The following TBC1D24 variants were observed in gnomAD, a reference collection of about 807,000 sequenced individuals.
TBC1D24 encodes TBC1 domain family member 24.
In TBC1D24, 47 loss-of-function variants were observed where a neutral mutation model predicts 50.7. That is an observed-to-expected ratio of 0.93 (90% CI 0.73 to 1.18). The LOEUF is 1.18. TBC1D24 is among the 50% of genes most tolerant of loss of function. TBC1D24 has a pLI of 0.00. For missense variants in TBC1D24, 688 were observed against 766.5 expected, an observed-to-expected ratio of 0.90 and a Z score of 1.21; for synonymous variants, 324 against 335.2, an observed-to-expected ratio of 0.97 and a Z score of 0.36.
In TBC1D24 at chr16:2,486,785, C is replaced by T; in HGVS notation, c.-115-9249C>T. Among the ~76,000 whole-genome samples the T allele has an allele frequency of 6.6e-6, 1 of 152,220 alleles. No individual in the cohort carries two copies. Among genetic ancestry groups the T allele is most frequent in the East Asian group, 1.9e-4 (1 of 5,202 alleles). On this transcript the variant is annotated intron_variant, in intron 1 of 7. Transcript: ENST00000646147. The surrounding 1 kb of genome is among the most constrained non-coding windows in gnomAD (Gnocchi z 5.8). ...TTTGAAAACTTCACAGTGGAGCTTC[C>T]CTGGGCTGGAATTCTCTGTTTGTCG...
rs1320033429 is a variant in TBC1D24 at position 2,482,796 on chromosome 16, A to T, written c.-116+7626A>T. ...GGAGAGGGTGGGCTCCATTGGAGAG[A>T]CAGGCACGGGCGGTGGAGGAGCAGC... On this transcript the variant is annotated intron_variant, in intron 1 of 7. Transcript: ENST00000646147. This position sits in a 1 kb window ranked among gnomAD's most constrained non-coding sequence, Gnocchi z 5.2. Among the ~76,000 whole-genome samples, 2 of 152,070 alleles carry T rather than the reference A, an allele frequency of 1.3e-5. No homozygotes were observed. The highest frequency in any genetic ancestry group is 4.8e-5 in the African/African-American group (2 of 41,406).
rs1259616852 is a variant in TBC1D24 at position 2,500,090 on chromosome 16, C to T, written c.1302+160C>T. Among the ~76,000 whole-genome samples, 2 of 152,148 alleles carry T rather than the reference C, an allele frequency of 1.3e-5. No individual in the cohort carries two copies. The highest frequency in any genetic ancestry group is 2.4e-5 in the African/African-American group (1 of 41,420). On this transcript the variant is annotated intron_variant, in intron 6 of 7. Transcript: ENST00000646147. This position sits in a 1 kb window ranked among gnomAD's most constrained non-coding sequence, Gnocchi z 8.0. ...TTCCGGGTTTGATCATTCAGCCGTG[C>T]GCTGCTCCGGGGCAGGGGGCTTCAT...
Position 2,475,519 on chromosome 16 carries a change from C to T in TBC1D24, c.-116+349C>T, listed in dbSNP as rs1596949655. ...GTTTCCTTGGGGCGCTTTCCGTCTCCGCAGGGTCGGAAATCCTCTTGGGGG... is the reference window on the plus strand; with the variant it reads ...GTTTCCTTGGGGCGCTTTCCGTCTCTGCAGGGTCGGAAATCCTCTTGGGGG... On this transcript the variant is annotated intron_variant, in intron 1 of 7. Transcript: ENST00000646147. This position sits in a 1 kb window ranked among gnomAD's most constrained non-coding sequence, Gnocchi z 4.2. 1.3e-5 allele frequency among the ~76,000 whole-genome samples: 2 copies of T among 151,990 alleles called. No individual in the cohort carries two copies. The highest frequency in any genetic ancestry group is 2.1e-4 in the South Asian group (1 of 4,816).
At position 2,499,075 on chromosome 16, in the gene TBC1D24, G is replaced by C. The variant is rs977721131; in HGVS notation, c.1143-282G>C. Among the ~76,000 whole-genome samples, 3 of 152,218 alleles carry C rather than the reference G, an allele frequency of 2.0e-5. No homozygotes were observed. Among genetic ancestry groups the C allele is most frequent in the Non-Finnish European group, 4.4e-5 (3 of 68,028 alleles). ...CCAAACCTCCCCACCGCAGGGACCT[G>C]TTCCTCTGGTTCCTGCTTCCCCAGC... On this transcript the variant is annotated intron_variant, in intron 4 of 7. Transcript: ENST00000646147. This position sits in a 1 kb window ranked among gnomAD's most constrained non-coding sequence, Gnocchi z 4.0.
intron 3 of TBC1D24, among the ~76,000 whole-genome samples, 154 bp from the exon 4 acceptor site, chr16:2,498,084 G>C (rs1378381166): frequency 2.6e-5 from 4 of 152,186 alleles, no homozygotes; most frequent in Non-Finnish European, 4.4e-5. Context: ...CTCCCCGTTG[G>C]GCACCTAGAA....
rs368735897 is a variant in TBC1D24 at position 2,500,468 on chromosome 16, G to A, written c.1503G>A (p.Gly501=). ...PSKTESMFMA[G]GSDCLIVGGG... is the part of the protein sequence containing the mutation. ...AGACCGAGTCCATGTTCATGGCGGGGGGCAGCGACTGCCTCATCGTCGGTG... is the reference window on the plus strand; with the variant it reads ...AGACCGAGTCCATGTTCATGGCGGGAGGCAGCGACTGCCTCATCGTCGGTG... Residue 501 remains glycine, a synonymous_variant, in exon 7 of 8, where the codon GGG becomes GGA. Coordinates refer to ENST00000646147, the MANE Select transcript of TBC1D24 (RefSeq NM_001199107.2). The surrounding 1 kb of genome is among the most constrained non-coding windows in gnomAD (Gnocchi z 8.0). The A allele has an allele frequency of 1.6e-4, 255 of 1,579,680 alleles. No homozygotes were observed. Among genetic ancestry groups the A allele is most frequent in the Admixed American group, 3.2e-4 (18 of 55,680 alleles).
At position 2,475,570 on chromosome 16, in the gene TBC1D24, A is replaced by G. The variant is rs546414551; in HGVS notation, c.-116+400A>G. ...CTCGGTGAGATTGCAACAGATTCTGATACGCCCTGCCCTGTGGACCTGCAG... is the reference window on the plus strand; with the variant it reads ...CTCGGTGAGATTGCAACAGATTCTGGTACGCCCTGCCCTGTGGACCTGCAG... On this transcript the variant is annotated intron_variant, in intron 1 of 7. Transcript: ENST00000646147. This position sits in a 1 kb window ranked among gnomAD's most constrained non-coding sequence, Gnocchi z 4.2. Among the ~76,000 whole-genome samples the G allele has an allele frequency of 2.6e-5, 4 of 151,960 alleles. No homozygotes were observed. The South Asian group carries it at 8.3e-4, about 31-fold the overall frequency.
Position 2,503,290 on chromosome 16 carries a change from C to T in TBC1D24, c.*2332C>T, listed in dbSNP as rs1003131508. ...TATCTTTTCCTAACTTTTCTACTAA[C>T]CTAGAAGGTATGTGTGATTATTATC... On this transcript the variant is annotated 3_prime_UTR_variant, in exon 8 of 8. Coordinates refer to ENST00000646147, the MANE Select transcript of TBC1D24 (RefSeq NM_001199107.2). The T allele has an allele frequency of 6.6e-6, 1 of 152,100 alleles. No individual in the cohort carries two copies. Among genetic ancestry groups the T allele is most frequent in the African/African-American group, 2.4e-5 (1 of 41,416 alleles). The allele number at this position is 152,100 out of a possible 1,614,324, so 9.4% of individuals were successfully genotyped here.
chr16:2,502,732 A>C lies in TBC1D24; in HGVS notation c.*1774A>C, dbSNP rs953206612. The C allele has an allele frequency of 2.0e-5, 3 of 152,676 alleles. No individual in the cohort carries two copies. Among genetic ancestry groups the C allele is most frequent in the African/African-American group, 7.3e-5 (3 of 41,332 alleles). 9.5% of individuals were successfully genotyped at this position (152,676 alleles called of 1,614,324 possible). On this transcript the variant is annotated 3_prime_UTR_variant, in exon 8 of 8. Transcript: ENST00000646147. ...GATGGGGTGAATCCCTCTCACGGGGAGAGGTATGGGAGGGAAGTCGCCACT... is the reference window on the plus strand; with the variant it reads ...GATGGGGTGAATCCCTCTCACGGGGCGAGGTATGGGAGGGAAGTCGCCACT...
intron 1 of TBC1D24, chr16:2,480,188 T>A (rs2065600165): frequency 6.6e-6 from 1 of 152,230 alleles, no homozygotes; most frequent in Non-Finnish European, 1.5e-5. Flanking sequence ...TGGAGTGCGA[T>A]GGTGCAGTCA....
At chr16:2,484,191 G>T in intron 1 of TBC1D24, 1 of 152,340 alleles carries the variant, frequency 6.6e-6, no homozygotes. Context: ...GTTTCTGATG[G>T]CTGTGGCCTC....
intron 4 of TBC1D24, among the ~76,000 whole-genome samples, chr16:2,498,622 G>A (rs1012490825): frequency 6.6e-5 from 10 of 152,370 alleles, no homozygotes; most frequent in African/African-American, 2.2e-4. Flanking sequence ...GCGTCGTGAA[G>A]ACGCCTGGGA....
chr16:2,499,492 G>A lies in TBC1D24; in HGVS notation c.1206+72G>A. On this transcript the variant is annotated intron_variant, in intron 5 of 7. Coordinates refer to ENST00000646147, the MANE Select transcript of TBC1D24 (RefSeq NM_001199107.2). The surrounding 1 kb of genome is among the most constrained non-coding windows in gnomAD (Gnocchi z 4.0). ...GCTGGCTCTGATGGGCTCCAGGGCT[G>A]GCTCTGATGGGCTTCAGGGCCTAGG... is the stretch of plus-strand genomic sequence containing the variant. 1 of 1,374,436 alleles carries A rather than the reference G, an allele frequency of 7.3e-7. No individual in the cohort carries two copies. The highest frequency in any genetic ancestry group is 1.2e-5 in the South Asian group (1 of 81,846). 85.1% of individuals were successfully genotyped at this position (1,374,436 alleles called of 1,614,324 possible).
In TBC1D24 at chr16:2,496,460, C is replaced by T. The variant is rs754301066; in HGVS notation, c.312C>T (p.Tyr104=). The T allele has an allele frequency of 6.2e-6, 10 of 1,612,260 alleles. No homozygotes were observed. In the South Asian group the frequency reaches 7.7e-5, roughly 12 times the overall value. ...EFVDNTQVPS[Y]CLNARGEGAV... ...TGGACAACACGCAGGTGCCCAGCTA[C>T]TGCCTGAATGCACGCGGCGAGGGGG... Residue 104 remains tyrosine (Y), a synonymous_variant, in exon 2 of 8, where the codon TAC becomes TAT. Coordinates refer to ENST00000646147, the MANE Select transcript of TBC1D24 (RefSeq NM_001199107.2).
At position 2,496,376 on chromosome 16, in the gene TBC1D24, C is replaced by T. The variant is rs1567411254; in HGVS notation, c.228C>T (p.Asp76=). Residue 76 remains aspartate (D), a synonymous_variant, in exon 2 of 8, where the codon GAC becomes GAT. Transcript: ENST00000646147. The part of the protein sequence containing the change: ...TVTPDASVYS[D]IVGKIVGKHS... ...CGCCTGACGCCAGCGTGTACAGCGA[C>T]ATCGTGGGCAAGATCGTGGGCAAGC... 1 of 1,613,374 alleles carries T rather than the reference C, an allele frequency of 6.2e-7. No individual in the cohort carries two copies. The highest frequency in any genetic ancestry group is 8.5e-7 in the Non-Finnish European group (1 of 1,180,000).
At position 2,504,219 on chromosome 16, in the gene TBC1D24, C is replaced by T. The variant is rs939482896; in HGVS notation, c.*3261C>T. On this transcript the variant is annotated 3_prime_UTR_variant, in exon 8 of 8. Coordinates refer to ENST00000646147, the MANE Select transcript of TBC1D24 (RefSeq NM_001199107.2). Reference sequence around the variant, plus strand: ...TCTGAACCCATAAAGCCTTTGCAGTCTCCTTGAGTAGTTTATATTTAGTAA... The same window carrying T: ...TCTGAACCCATAAAGCCTTTGCAGTTTCCTTGAGTAGTTTATATTTAGTAA... 10 of 152,042 alleles carry T rather than the reference C, an allele frequency of 6.6e-5. No individual in the cohort carries two copies. The highest frequency in any genetic ancestry group is 1.0e-4 in the Non-Finnish European group (7 of 68,016). 9.4% of individuals were successfully genotyped at this position (152,042 alleles called of 1,614,324 possible).
rs1185664702 is a variant in TBC1D24, at chr16:2,485,783, C to T, written c.-115-10251C>T. 2.0e-5 allele frequency among the ~76,000 whole-genome samples: 3 copies of T among 152,208 alleles called. No homozygotes were observed. Among genetic ancestry groups the T allele is most frequent in the Admixed American group, 6.5e-5 (1 of 15,282 alleles). ...GGAGAAACCCCCGCATCTTCTGGGTCGCAGATCCTGTGCCGATTGCGGTGC... is the reference window on the plus strand; with the variant it reads ...GGAGAAACCCCCGCATCTTCTGGGTTGCAGATCCTGTGCCGATTGCGGTGC... On this transcript the variant is annotated intron_variant, in intron 1 of 7. Transcript: ENST00000646147. This position sits in a 1 kb window ranked among gnomAD's most constrained non-coding sequence, Gnocchi z 4.6.
rs1489085062 is a variant in TBC1D24 at position 2,496,706 on chromosome 16, G to A, written c.558G>A (p.Leu186=). The A allele has an allele frequency of 6.2e-7, 1 of 1,613,600 alleles. No homozygotes were observed. Among genetic ancestry groups the A allele is most frequent in the South Asian group, 1.1e-5 (1 of 91,086 alleles). Residue 186 remains leucine (L), a synonymous_variant, in exon 2 of 8, where the codon CTG becomes CTA. Coordinates refer to ENST00000646147, the MANE Select transcript of TBC1D24 (RefSeq NM_001199107.2). ...FESSCMTFGD[L]VNKYCQAAHK... is the part of the protein sequence containing the mutation. ...CGTCCTGCATGACGTTTGGGGACCT[G>A]GTGAACAAGTACTGCCAGGCGGCCC... is the stretch of plus-strand genomic sequence containing the variant.
In TBC1D24 at chr16:2,500,497, G is replaced by T; in HGVS notation, c.1525+7G>T. On this transcript the variant is annotated splice_region_variant and intron_variant, in intron 7 of 7. Coordinates refer to ENST00000646147, the MANE Select transcript of TBC1D24 (RefSeq NM_001199107.2). This position sits in a 1 kb window ranked among gnomAD's most constrained non-coding sequence, Gnocchi z 8.0. Reference sequence around the variant, plus strand: ...AGCGACTGCCTCATCGTCGGTGAGCGCCAGCAGACGGGGCTCTGGGATGAG... The same window carrying T: ...AGCGACTGCCTCATCGTCGGTGAGCTCCAGCAGACGGGGCTCTGGGATGAG... 1 of 1,552,944 alleles carries T rather than the reference G, an allele frequency of 6.4e-7. No homozygotes were observed. The highest frequency in any genetic ancestry group is 8.7e-7 in the Non-Finnish European group (1 of 1,149,822).
Sources: allele counts gnomAD v4.1 joint callset (sites outside exome capture counted in the v4.1 genomes callset), GRCh38; gene constraint gnomAD v4.1.1; non-coding constraint Gnocchi (gnomAD v3.1); transcripts MANE v1.5; gene names NCBI Gene and HGNC (gene_info 2026-07-23, HGNC 2026-07-21).